The following IL1RAPL2 variants were observed in gnomAD, a reference collection of about 807,000 sequenced individuals.
IL1RAPL2 encodes interleukin 1 receptor accessory protein like 2.
Under a neutral mutation model 44.1 loss-of-function variants are expected in IL1RAPL2, and 3 were observed. The observed-to-expected ratio is 0.07, with a 90% CI of 0.03 to 0.18. The LOEUF (loss-of-function observed/expected upper bound fraction) is 0.18. IL1RAPL2 is among the 10% of genes least tolerant of loss of function. The pLI is 1.00. For synonymous variants in IL1RAPL2, 181 were observed against 178.8 expected (o/e 1.01, Z -0.10); for missense variants, 391 against 496.4 (o/e 0.79, Z 2.02).
chrX:104,858,741 A>G (rs1894445), intron 2 of IL1RAPL2, among the ~76,000 whole-genome samples: 6,126 of 111,699 alleles, frequency 0.055, 434 homozygotes, highest in African/African-American at 0.19. Context: ...AGACCAATTT[A>G]TAACAAAAAA....
intron 6 of IL1RAPL2, among the ~76,000 whole-genome samples, chrX:105,555,578 G>T (rs767576876): frequency 9.0e-6 from 1 of 111,593 alleles, no homozygotes; most frequent in Non-Finnish European, 1.9e-5. Context: ...CTATGTCTTA[G>T]GATAAAAATC....
At chrX:105,279,242 C>T (rs2147662618) in intron 5 of IL1RAPL2, among the ~76,000 whole-genome samples, 1 of 111,141 alleles carries the variant, frequency 9.0e-6, no homozygotes, top group Non-Finnish European at 1.9e-5. Context: ...GCTCAGAATC[C>T]TGTAAGGTAT....
intron 1 of IL1RAPL2, among the ~76,000 whole-genome samples, chrX:104,618,187 T>C (rs979427744): frequency 8.1e-5 from 9 of 111,748 alleles, no homozygotes; most frequent in Non-Finnish European, 1.5e-4. Flanking sequence ...AGGTAGTTGA[T>C]GGTACTTACA....
chrX:105,117,965 C>T (rs1230343404), intron 2 of IL1RAPL2, among the ~76,000 whole-genome samples: 1 of 111,730 alleles, frequency 9.0e-6, no homozygotes, highest in Non-Finnish European at 1.9e-5. Context: ...AGTACAGTGA[C>T]CCACTTTCTA....
chrX:104,599,197 G>A (rs1167612889), intron 1 of IL1RAPL2, among the ~76,000 whole-genome samples: 3 of 111,728 alleles, frequency 2.7e-5, no homozygotes, highest in Admixed American at 9.5e-5. Flanking sequence ...GTGTAGTAAT[G>A]GTTAGTTTAA....
chrX:104,843,804 T>G (rs1457866920), intron 2 of IL1RAPL2, among the ~76,000 whole-genome samples: 1 of 110,321 alleles, frequency 9.1e-6, no homozygotes, highest in Non-Finnish European at 1.9e-5. Flanking sequence ...GTGTTGGTTT[T>G]GCTGGGAGCT....
intron 5 of IL1RAPL2, among the ~76,000 whole-genome samples, chrX:105,397,219 G>T (rs1488247766): frequency 9.0e-6 from 1 of 110,627 alleles, no homozygotes. Context: ...ATATTATAAT[G>T]TAATAATAAT....
intron 2 of IL1RAPL2, among the ~76,000 whole-genome samples, chrX:104,907,193 C>G (rs1277220351): frequency 9.0e-6 from 1 of 111,378 alleles, no homozygotes; most frequent in Non-Finnish European, 1.9e-5. Flanking sequence ...TCTTCTCTCT[C>G]TTTTTCTTTA....
At chrX:104,811,867 C>A (rs1228390656) in intron 2 of IL1RAPL2, among the ~76,000 whole-genome samples, 2 of 110,910 alleles carry the variant, frequency 1.8e-5, no homozygotes, top group Non-Finnish European at 3.8e-5. Context: ...AGGATCTGAT[C>A]ACTGAGAGAC....
At chrX:104,999,080 C>T (rs757272984) in intron 2 of IL1RAPL2, among the ~76,000 whole-genome samples, 5 of 112,068 alleles carry the variant, frequency 4.5e-5, no homozygotes, top group Non-Finnish European at 7.5e-5. Context: ...GGATTACAGG[C>T]ATGAGGCACT....
In IL1RAPL2 at chrX:104,598,601, G is replaced by A. The variant is rs1260228626; in HGVS notation, c.-20+31550G>A. Among the ~76,000 whole-genome samples, 3 of 112,137 alleles carry A rather than the reference G, an allele frequency of 2.7e-5. No individual in the cohort carries two copies. In the East Asian group the frequency reaches 8.4e-4, roughly 31 times the overall value. ...CCTGTACCTGATGCCTCTGTGTTAG[G>A]TTCTGGTTGGATCATGGGCCACACT... On this transcript the variant is annotated intron_variant, in intron 1 of 10. Transcript: ENST00000372582.
At chrX:105,743,172 G>T (rs755227655) in intron 8 of IL1RAPL2, among the ~76,000 whole-genome samples, 2 of 111,382 alleles carry the variant, frequency 1.8e-5, no homozygotes, top group South Asian at 7.6e-4. Context: ...TATCACAACA[G>T]TCAGAAGGAT....
chrX:105,029,642 T>G (rs180893509), intron 2 of IL1RAPL2, among the ~76,000 whole-genome samples: 110 of 108,893 alleles, frequency 1.0e-3, no homozygotes, highest in African/African-American at 3.6e-3. Flanking sequence ...TTCTTAATCC[T>G]GTCTATCATT....
intron 5 of IL1RAPL2, among the ~76,000 whole-genome samples, chrX:105,461,040 T>A (rs976098858): frequency 8.9e-6 from 1 of 111,928 alleles, no homozygotes; most frequent in African/African-American, 3.2e-5. Flanking sequence ...GCTAGTTTTT[T>A]ATGTAGAAAA....
intron 2 of IL1RAPL2, among the ~76,000 whole-genome samples, chrX:105,023,332 C>T (rs1024764068): frequency 9.0e-6 from 1 of 111,356 alleles, no homozygotes; most frequent in African/African-American, 3.3e-5. Context: ...AAGGTCTTAT[C>T]AGATGTCTTC....
intron 6 of IL1RAPL2, among the ~76,000 whole-genome samples, chrX:105,685,359 T>A (rs1339383700): frequency 1.8e-5 from 2 of 111,799 alleles, no homozygotes; most frequent in Non-Finnish European, 3.8e-5. Context: ...GAGAAGATCT[T>A]AAATGACCTG....
At chrX:104,860,549 C>A (rs1005281176) in intron 2 of IL1RAPL2, among the ~76,000 whole-genome samples, 1 of 111,099 alleles carries the variant, frequency 9.0e-6, no homozygotes. Flanking sequence ...GTTAAAGTAT[C>A]CCTTATCTGA....
intron 2 of IL1RAPL2, among the ~76,000 whole-genome samples, chrX:105,126,721 A>T (rs2032978874): frequency 9.0e-6 from 1 of 111,322 alleles, no homozygotes; most frequent in African/African-American, 3.2e-5. Flanking sequence ...TGCGAAAACC[A>T]TTCTCTTTAT....
chrX:104,620,414 C>T (rs151116166), intron 1 of IL1RAPL2, among the ~76,000 whole-genome samples: 3,641 of 107,198 alleles, frequency 0.034, 91 homozygotes, highest in Admixed American at 0.091. Context: ...CCGAGGCGGG[C>T]GGATCACAGG....
Sources: allele counts gnomAD v4.1 joint callset (sites outside exome capture counted in the v4.1 genomes callset), GRCh38; gene constraint gnomAD v4.1.1; transcripts MANE v1.5; gene names NCBI Gene and HGNC (gene_info 2026-07-23, HGNC 2026-07-21).